The following DOP1B variants were observed in gnomAD, a reference collection of about 807,000 sequenced individuals.
DOP1B encodes the protein DOP1 leucine zipper like protein B.
Under a neutral mutation model 233.5 loss-of-function variants are expected in DOP1B, and 174 were observed. The observed-to-expected ratio is 0.75, with a 90% CI of 0.66 to 0.85. The LOEUF is 0.85. DOP1B is among the 40% of genes least tolerant of loss of function. The pLI is 0.00. For missense variants in DOP1B, 2,652 were observed against 2,846.6 expected (o/e 0.93, Z 1.56); for synonymous variants, 1,190 against 1,185.6 (o/e 1.00, Z -0.08).
Position 36,189,683 on chromosome 21 carries a change from C to T in DOP1B, c.139-9387C>T, listed in dbSNP as rs138158974. Among the ~76,000 whole-genome samples the T allele has an allele frequency of 9.8e-3, 1,477 of 151,084 alleles. 23 individuals are homozygous for T. The highest frequency in any genetic ancestry group is 0.033 in the African/African-American group (1,359 of 41,020). On this transcript the variant is annotated intron_variant, in intron 2 of 36. Transcript: ENST00000691173. ...TGAGATCACACCACTACACTCCAGC[C>T]TGGGTGACAGAGCGAGACTCTGTCT...
At position 36,227,707 on chromosome 21, in the gene DOP1B, AC is replaced by A. The variant is rs770433380; in HGVS notation, c.1498del (p.Gln500SerfsTer21). ...IPLELYSEVQ[T>X]QYLPQVLGCL... ...ACAGGAACTTTACTCTGAGGTGCAA[AC>A]CCAGTATCTCCCTCAGGTGCTCGGC... On this transcript the variant is annotated frameshift_variant, in exon 13 of 37. Coordinates refer to ENST00000691173, the MANE Select transcript of DOP1B (RefSeq NM_001320714.2). LOFTEE classifies it high-confidence loss of function. The A allele has an allele frequency of 1.3e-6, 2 of 1,573,562 alleles. No individual in the cohort carries two copies. Among genetic ancestry groups the A allele is most frequent in the Non-Finnish European group, 1.7e-6 (2 of 1,154,920 alleles).
intron 4 of DOP1B, among the ~76,000 whole-genome samples, chr21:36,206,629 G>T (rs957830014): frequency 1.3e-5 from 2 of 152,148 alleles, no homozygotes; most frequent in African/African-American, 4.8e-5. Flanking sequence ...CTTTTTGAGG[G>T]TGGAACCCCT....
chr21:36,163,072 C>A (rs189243633), intron 1 of DOP1B, among the ~76,000 whole-genome samples: 29 of 152,020 alleles, frequency 1.9e-4, no homozygotes, highest in African/African-American at 6.8e-4. Context: ...GGTTGCCAGG[C>A]GCGGTGGCTC....
chr21:36,208,731 C>T lies in DOP1B; in HGVS notation c.508C>T (p.Leu170=), dbSNP rs1225921214. 1.2e-6 allele frequency: 2 copies of T among 1,613,412 alleles called. No homozygotes were observed. The highest frequency in any genetic ancestry group is 1.3e-5 in the African/African-American group (1 of 74,890). ...EISDRTDALL[L]RLSLVVGKEV... ...CATCAACAGAACGGATGCTCTGCTC[C>T]TGAGACTGTCGCTGGTGGTTGGCAA... The change falls in exon 5 of 37, where the codon CTG becomes TTG. Residue 170 remains leucine, a synonymous_variant. Coordinates refer to ENST00000691173, the MANE Select transcript of DOP1B (RefSeq NM_001320714.2).
intron 29 of DOP1B, 45 bp downstream of exon 29, chr21:36,278,129 T>C: frequency 1.2e-6 from 2 of 1,613,326 alleles, no homozygotes; most frequent in Non-Finnish European, 1.7e-6. Flanking sequence ...TGCAGAAAAA[T>C]ATGTTTTCAC....
chr21:36,249,764 C>A (rs1333974333), intron 21 of DOP1B, among the ~76,000 whole-genome samples: 1 of 152,184 alleles, frequency 6.6e-6, no homozygotes, highest in Non-Finnish European at 1.5e-5. Context: ...CATCTGACAT[C>A]AGTTGAGAGC....
intron 31 of DOP1B, among the ~76,000 whole-genome samples, chr21:36,281,261 A>G (rs1041556553): frequency 6.6e-6 from 1 of 152,216 alleles, no homozygotes; most frequent in African/African-American, 2.4e-5. Flanking sequence ...CCACCACTGC[A>G]CTCCAGGCTG....
intron 2 of DOP1B, among the ~76,000 whole-genome samples, chr21:36,181,211 A>G (rs571559090): frequency 6.6e-6 from 1 of 152,178 alleles, no homozygotes; most frequent in African/African-American, 2.4e-5. Flanking sequence ...TCAGTTAAGC[A>G]TGTTATTCAG....
chr21:36,275,665 C>G (rs557117273), intron 27 of DOP1B, among the ~76,000 whole-genome samples: 1 of 151,818 alleles, frequency 6.6e-6, no homozygotes, highest in African/African-American at 2.4e-5. Flanking sequence ...AAAGCCAGCA[C>G]CCCACCTGGG....
intron 9 of DOP1B, among the ~76,000 whole-genome samples, chr21:36,214,976 G>A (rs1025276756): frequency 2.6e-5 from 4 of 152,156 alleles, no homozygotes; most frequent in Non-Finnish European, 5.9e-5. Flanking sequence ...CCAGGGGGTC[G>A]AGGCTGCAGT....
intron 2 of DOP1B, among the ~76,000 whole-genome samples, chr21:36,167,983 A>G (rs1285844586): frequency 8.1e-6 from 1 of 123,368 alleles, no homozygotes; most frequent in African/African-American, 3.3e-5. Flanking sequence ...TCACTCTGTC[A>G]TCCAGGCTGA....
In DOP1B at chr21:36,168,013, G is replaced by A. The variant is rs368567886; in HGVS notation, c.138+3142G>A. Among the ~76,000 whole-genome samples the A allele has an allele frequency of 3.3e-4, 43 of 130,746 alleles. No homozygotes were observed. The East Asian group carries it at 6.7e-3, about 21-fold the overall frequency. The allele number at this position is 130,746 out of a possible 152,430, so 85.8% of individuals were successfully genotyped here. On this transcript the variant is annotated intron_variant, in intron 2 of 36. Transcript: ENST00000691173. ...GGCTGAAGTGCAGTGGCACAGTCTCGGCTAACTGCAACCTCCACCTTCTAG... is the reference window on the plus strand; with the variant it reads ...GGCTGAAGTGCAGTGGCACAGTCTCAGCTAACTGCAACCTCCACCTTCTAG...
intron 2 of DOP1B, among the ~76,000 whole-genome samples, chr21:36,184,748 G>A (rs2066144226): frequency 6.6e-6 from 1 of 152,208 alleles, no homozygotes. Flanking sequence ...GGCAGCCCAC[G>A]TGCGCTTCAG....
chr21:36,238,253 C>G (rs2835324), intron 16 of DOP1B, among the ~76,000 whole-genome samples: 107,667 of 152,172 alleles, frequency 0.71, 38,476 homozygotes, highest in East Asian at 0.96. Flanking sequence ...GGTCTCCTTT[C>G]CAGTCTGTTG....
At chr21:36,165,238 A>G (rs2065898223) in intron 2 of DOP1B, among the ~76,000 whole-genome samples, 2 of 152,180 alleles carry the variant, frequency 1.3e-5, no homozygotes, top group South Asian at 4.1e-4. Flanking sequence ...TAAAATTTAA[A>G]ATGGTCAAAT....
chr21:36,248,233 C>T, intron 20 of DOP1B, 147 bp from the exon 21 acceptor site: 1 of 723,724 alleles, frequency 1.4e-6, no homozygotes, highest in Admixed American at 2.7e-5. Context: ...CACAGAGAAG[C>T]TTATTGCTCC....
intron 10 of DOP1B, among the ~76,000 whole-genome samples, chr21:36,220,546 G>T (rs147324575): frequency 1.1e-4 from 17 of 152,254 alleles, no homozygotes; most frequent in African/African-American, 4.1e-4. Flanking sequence ...GGTCACCCAG[G>T]CTGGAGTGCA....
At chr21:36,231,401 A>T (rs1441445733) in intron 14 of DOP1B, among the ~76,000 whole-genome samples, 1 of 152,190 alleles carries the variant, frequency 6.6e-6, no homozygotes, top group Non-Finnish European at 1.5e-5. Flanking sequence ...GAATTTTCAG[A>T]TTAGAGATTC....
chr21:36,291,557 C>CA (rs974351343), intron 35 of DOP1B, among the ~76,000 whole-genome samples: 9 of 151,602 alleles, frequency 5.9e-5, no homozygotes, highest in Non-Finnish European at 1.2e-4. Context: ...GAGACTGTCT[C>CA]AAAAAAACAA....
Sources: gnomAD v4.1 joint callset for allele counts (sites outside exome capture counted in the v4.1 genomes callset) on GRCh38, gnomAD v4.1.1 for gene constraint, MANE v1.5 for transcripts, NCBI Gene and HGNC (gene_info 2026-07-23, HGNC 2026-07-21) for gene names.